Variants in OPHN1 observed in about 807,000 individuals in gnomAD.
The protein encoded by OPHN1 is oligophrenin-1.
In OPHN1, 11 loss-of-function variants were observed where a neutral mutation model predicts 60.7. That is an observed-to-expected ratio of 0.18 (90% confidence interval 0.11 to 0.30). The LOEUF is 0.30. OPHN1 is among the 10% of genes least tolerant of loss of function. The pLI is 1.00. For missense variants in OPHN1, 449 were observed against 611.0 expected (o/e 0.73, Z 2.80); for synonymous variants, 226 against 222.6 (o/e 1.02, Z -0.14).
intron 15 of OPHN1, among the ~76,000 whole-genome samples, chrX:68,143,826 C>T (rs1026436443): frequency 2.7e-5 from 3 of 111,539 alleles, no homozygotes; most frequent in African/African-American, 9.8e-5. Flanking sequence ...GCTCTATGTG[C>T]CTTTTCCCGT....
chrX:68,192,779 G>A, intron 15 of OPHN1, 140 bp downstream of exon 15: 1 of 517,987 alleles, frequency 1.9e-6, no homozygotes, highest in Non-Finnish European at 3.3e-6. Flanking sequence ...GGGTGGGCAA[G>A]TATGTGTATG....
At chrX:68,254,756 C>T (rs1403082835) in intron 5 of OPHN1, among the ~76,000 whole-genome samples, 1 of 110,377 alleles carries the variant, frequency 9.1e-6, no homozygotes, top group African/African-American at 3.3e-5. Flanking sequence ...GTGGCTCATA[C>T]CTGTAATCCC....
intron 3 of OPHN1, among the ~76,000 whole-genome samples, chrX:68,285,525 T>C (rs971298745): frequency 1.8e-5 from 2 of 111,552 alleles, no homozygotes; most frequent in Non-Finnish European, 3.8e-5. Flanking sequence ...ATCTCTAAAT[T>C]TAACTTCTTG....
chrX:68,243,619 C>G (rs1602265774), intron 5 of OPHN1, among the ~76,000 whole-genome samples: 4 of 111,324 alleles, frequency 3.6e-5, no homozygotes, highest in Admixed American at 2.9e-4. Context: ...AACTCCTGAC[C>G]TCGAGTAATC....
At chrX:68,087,803 A>G (rs1187991585) in intron 19 of OPHN1, among the ~76,000 whole-genome samples, 1 of 112,056 alleles carries the variant, frequency 8.9e-6, no homozygotes, top group Non-Finnish European at 1.9e-5. Context: ...GGTTCTGGTT[A>G]TATTAGCAAA....
intron 6 of OPHN1, among the ~76,000 whole-genome samples, chrX:68,216,791 G>GA (rs1183895695): frequency 7.3e-5 from 8 of 109,616 alleles, no homozygotes; most frequent in East Asian, 2.9e-4. Flanking sequence ...AAATCAGCAA[G>GA]AAAAAAAAAT....
intron 2 of OPHN1, among the ~76,000 whole-genome samples, chrX:68,338,421 T>C (rs1319314089): frequency 8.9e-6 from 1 of 112,118 alleles, no homozygotes; most frequent in Non-Finnish European, 1.9e-5. Flanking sequence ...GGAATAAAAT[T>C]AGAAATTAAT....
intron 16 of OPHN1, 69 bp from the exon 17 acceptor site, chrX:68,113,308 G>T: frequency 1.1e-6 from 1 of 892,471 alleles, no homozygotes. Context: ...TTAGTTCTGG[G>T]GACAGCAAGG....
chrX:68,106,224 C>G (rs967487327), intron 18 of OPHN1, among the ~76,000 whole-genome samples: 1 of 62,287 alleles, frequency 1.6e-5, no homozygotes, highest in African/African-American at 6.2e-5. Context: ...TAAAAATTTT[C>G]TAATTTATAC....
intron 2 of OPHN1, among the ~76,000 whole-genome samples, chrX:68,379,553 A>G (rs1392153496): frequency 3.8e-5 from 4 of 104,798 alleles, no homozygotes; most frequent in Non-Finnish European, 5.8e-5. Context: ...TCAGTATGAT[A>G]TTGGCTGTGG....
At chrX:68,425,812 C>CT (rs1188011531) in intron 2 of OPHN1, among the ~76,000 whole-genome samples, 1,288 of 38,603 alleles carry the variant, frequency 0.033, 386 homozygotes, top group African/African-American at 0.16. Flanking sequence ...GGACTGGATT[C>CT]TTTTTTTTTT....
At chrX:68,431,762 GCT>G (rs1380361599) in intron 2 of OPHN1, among the ~76,000 whole-genome samples, 6 of 110,951 alleles carry the variant, frequency 5.4e-5, no homozygotes, top group Non-Finnish European at 5.7e-5. Flanking sequence ...CTTTCTCCCT[GCT>G]CTTGGTTGAC....
rs146268189 is a variant in OPHN1, at chrX:68,418,701, T to C, written c.154+14166A>G. Among the ~76,000 whole-genome samples, 742 of 112,078 alleles carry C rather than the reference T, an allele frequency of 6.6e-3. 7 individuals are homozygous for C. Among genetic ancestry groups the C allele is most frequent in the African/African-American group, 0.023 (713 of 30,904 alleles). On this transcript the variant is annotated intron_variant, in intron 2 of 24. Coordinates refer to ENST00000355520, the MANE Select transcript of OPHN1 (RefSeq NM_002547.3). ...TTTGAGCAAATAACTTCTCTGAATTTAAATTTCCTCATCTGTAAAACAAGG... is the reference window on the plus strand; with the variant it reads ...TTTGAGCAAATAACTTCTCTGAATTCAAATTTCCTCATCTGTAAAACAAGG...
At chrX:68,384,279 G>A (rs1485351138) in intron 2 of OPHN1, among the ~76,000 whole-genome samples, 1 of 111,412 alleles carries the variant, frequency 9.0e-6, no homozygotes, top group East Asian at 2.8e-4. Context: ...AAATGAGGGT[G>A]TATTATGCTC....
intron 2 of OPHN1, chrX:68,361,241 G>A (rs759048097): frequency 1.8e-5 from 2 of 111,045 alleles, no homozygotes; most frequent in African/African-American, 6.5e-5. Context: ...CAGCATTTTG[G>A]GAGGCCAAGG....
intron 20 of OPHN1, among the ~76,000 whole-genome samples, chrX:68,072,670 G>A (rs1303722032): frequency 2.7e-5 from 3 of 111,344 alleles, no homozygotes; most frequent in South Asian, 3.9e-4. Flanking sequence ...TAGAATGGGT[G>A]TAGTCTCCAC....
At chrX:68,109,019 A>G (rs1363957049) in intron 18 of OPHN1, among the ~76,000 whole-genome samples, 2 of 111,661 alleles carry the variant, frequency 1.8e-5, no homozygotes, top group East Asian at 5.6e-4. Flanking sequence ...TATATTTTAC[A>G]TATCAGAAAA....
intron 2 of OPHN1, among the ~76,000 whole-genome samples, chrX:68,425,715 C>A (rs942154510): frequency 4.9e-5 from 5 of 102,272 alleles, no homozygotes; most frequent in African/African-American, 1.4e-4. Context: ...AGAATTATTT[C>A]TACTTTATCA....
At chrX:68,430,185 C>A (rs773776124) in intron 2 of OPHN1, among the ~76,000 whole-genome samples, 10 of 112,301 alleles carry the variant, frequency 8.9e-5, no homozygotes, top group Non-Finnish European at 1.5e-4. Flanking sequence ...TTTGCTTCCA[C>A]CCTACCTACT....
Sources: allele counts gnomAD v4.1 joint callset (sites outside exome capture counted in the v4.1 genomes callset), GRCh38; gene constraint gnomAD v4.1.1; transcripts MANE v1.5; gene names NCBI Gene and HGNC (gene_info 2026-07-23, HGNC 2026-07-21).